AGBL4: variants seen among roughly 807,000 people sequenced by gnomAD.
AGBL4 encodes cytosolic carboxypeptidase 6.
A neutral mutation model predicts 66.4 loss-of-function variants in AGBL4; 58 were observed. The observed-to-expected ratio is 0.87, with a 90% confidence interval of 0.71 to 1.09. The LOEUF is 1.09. Ranked by LOEUF, AGBL4 falls within the 50% of genes least tolerant of loss-of-function variation. AGBL4 has a pLI of 0.00. For synonymous variants in AGBL4, 234 were observed against 222.9 expected (o/e 1.05, Z -0.44); for missense variants, 579 against 631.0 (o/e 0.92, Z 0.88).
At chr1:49,538,486 A>ATATACATAG (rs1367855329) in intron 3 of AGBL4, among the ~76,000 whole-genome samples, 7 of 152,232 alleles carry the variant, frequency 4.6e-5, no homozygotes, top group Non-Finnish European at 1.0e-4. Flanking sequence ...TCACTATGCA[A>ATATACATAG]TATATCCGTG....
chr1:48,761,603 C>T (rs1364205113), intron 6 of AGBL4: 2 of 923,456 alleles, frequency 2.2e-6, no homozygotes, highest in East Asian at 2.7e-5. Context: ...CAAACAGACT[C>T]AAGGCTGGTT....
At chr1:49,929,708 A>G (rs1653140769) in intron 1 of AGBL4, among the ~76,000 whole-genome samples, 1 of 152,228 alleles carries the variant, frequency 6.6e-6, no homozygotes, top group African/African-American at 2.4e-5. Context: ...ACCTAAAGGA[A>G]TTAAAGGCAG....
intron 6 of AGBL4, among the ~76,000 whole-genome samples, chr1:48,863,947 C>A (rs1647735821): frequency 6.6e-6 from 1 of 151,824 alleles, no homozygotes; most frequent in South Asian, 2.1e-4. Flanking sequence ...AATTCAACTA[C>A]ATAAAAAAAT....
intron 4 of AGBL4, among the ~76,000 whole-genome samples, chr1:49,107,966 T>C (rs2148014264): frequency 6.6e-6 from 1 of 152,294 alleles, no homozygotes; most frequent in South Asian, 2.1e-4. Context: ...CTAATTTTAC[T>C]TGAATCTTTG....
rs745772850 is a variant in AGBL4 at position 49,971,907 on chromosome 1, G to GTTTT, written c.34+51852_34+51855dup. On this transcript the variant is annotated intron_variant, in intron 1 of 13. Coordinates refer to ENST00000371839, the MANE Select transcript of AGBL4 (RefSeq NM_032785.4). The stretch of plus-strand genomic sequence containing the variant: ...AAGTACAAGTGCAGGGTTTTTTTGG[G>GTTTT]TTTTTTTTTTTTTTTTTTTTTTTTT... 1.9e-3 allele frequency among the ~76,000 whole-genome samples: 45 copies of GTTTT among 23,438 alleles called. 2 individuals are homozygous for GTTTT. Among genetic ancestry groups the GTTTT allele is most frequent in the African/African-American group, 5.6e-3 (42 of 7,438 alleles). 15.4% of individuals were successfully genotyped at this position (23,438 alleles called of 152,430 possible). A position where few individuals can be genotyped will look rare whatever the true frequency, so the allele number is the denominator to read the frequency against.
intron 6 of AGBL4, among the ~76,000 whole-genome samples, chr1:48,801,095 G>C (rs1360686977): frequency 1.3e-5 from 2 of 152,118 alleles, no homozygotes; most frequent in Admixed American, 1.3e-4. Flanking sequence ...CAGGGAAGTA[G>C]GGGGAAAGCT....
chr1:49,644,555 G>C lies in AGBL4; in HGVS notation c.282+52758C>G, dbSNP rs544415505. Among the ~76,000 whole-genome samples, 3 of 151,638 alleles carry C rather than the reference G, an allele frequency of 2.0e-5. No individual in the cohort carries two copies. In the East Asian group the frequency reaches 5.8e-4, roughly 29 times the overall value. ...AGGAAAGAATATCACAAGGTATAAA[G>C]ATAATCATTTCATAATGATTAAGAA... On this transcript the variant is annotated intron_variant, in intron 3 of 13. Coordinates refer to ENST00000371839, the MANE Select transcript of AGBL4 (RefSeq NM_032785.4).
chr1:48,612,562 C>G (rs1032961764), intron 9 of AGBL4, among the ~76,000 whole-genome samples: 1 of 152,146 alleles, frequency 6.6e-6, no homozygotes, highest in African/African-American at 2.4e-5. Flanking sequence ...GTACAAAGAT[C>G]AAAGTTAAAC....
intron 9 of AGBL4, among the ~76,000 whole-genome samples, chr1:48,624,585 C>T (rs565347149): frequency 1.2e-4 from 19 of 152,312 alleles, no homozygotes; most frequent in Admixed American, 7.8e-4. Flanking sequence ...TCTAGAGAGA[C>T]GGCATTTTGA....
At chr1:50,000,433 G>A (rs189920468) in intron 1 of AGBL4, among the ~76,000 whole-genome samples, 9 of 152,242 alleles carry the variant, frequency 5.9e-5, no homozygotes, top group African/African-American at 1.4e-4. Context: ...AGATGTTGGC[G>A]TGGATGTGGT....
intron 9 of AGBL4, among the ~76,000 whole-genome samples, chr1:48,605,325 C>G (rs539236781): frequency 1.3e-5 from 2 of 152,210 alleles, no homozygotes; most frequent in Admixed American, 6.5e-5. Flanking sequence ...ATTTCCTACT[C>G]TCTGCTGATA....
Position 49,502,402 on chromosome 1 carries a change from C to T in AGBL4, c.282+194911G>A, listed in dbSNP as rs181058748. ...CCCTTCTAGAGAACCCTCACAAATA[C>T]AGATTTTGCTACCAGAAGTGGGGTG... On this transcript the variant is annotated intron_variant, in intron 3 of 13. Transcript: ENST00000371839. Among the ~76,000 whole-genome samples the T allele has an allele frequency of 2.4e-4, 37 of 152,188 alleles. No individual in the cohort carries two copies. The East Asian group carries it at 5.2e-3, about 21-fold the overall frequency.
At chr1:49,918,710 G>C (rs1024677238) in intron 1 of AGBL4, among the ~76,000 whole-genome samples, 5 of 152,306 alleles carry the variant, frequency 3.3e-5, no homozygotes, top group African/African-American at 1.2e-4. Context: ...AATAGAAAAA[G>C]AGGGAATACT....
At chr1:49,740,932 C>G (rs1203802502) in intron 2 of AGBL4, among the ~76,000 whole-genome samples, 1 of 152,066 alleles carries the variant, frequency 6.6e-6, no homozygotes, top group East Asian at 1.9e-4. Context: ...GCACTAAATG[C>G]CCAGGAGAGA....
the AGBL4 span, among the ~76,000 whole-genome samples, chr1:48,527,730 G>A: frequency 3.3e-5 from 5 of 152,078 alleles, no homozygotes; most frequent in Admixed American, 6.6e-5. Context: ...CTTGAATGAT[G>A]AGAAGGATTT....
intron 3 of AGBL4, among the ~76,000 whole-genome samples, chr1:49,575,992 T>A (rs758894201): frequency 3.3e-5 from 5 of 152,190 alleles, no homozygotes; most frequent in Non-Finnish European, 7.3e-5. Flanking sequence ...GACTTATTGG[T>A]GAGACATTTG....
chr1:49,494,726 C>A (rs913341739), intron 3 of AGBL4, among the ~76,000 whole-genome samples: 2 of 151,912 alleles, frequency 1.3e-5, no homozygotes, highest in East Asian at 1.9e-4. Context: ...ATAATGCCGC[C>A]ATAAACATAC....
chr1:48,830,041 G>T (rs1018464554), intron 6 of AGBL4, among the ~76,000 whole-genome samples: 1 of 152,050 alleles, frequency 6.6e-6, no homozygotes, highest in Non-Finnish European at 1.5e-5. Context: ...TCTGGGAGAA[G>T]GTAGCAGCCA....
chr1:49,474,353 T>C (rs941072942), intron 3 of AGBL4, among the ~76,000 whole-genome samples: 1 of 152,014 alleles, frequency 6.6e-6, no homozygotes, highest in African/African-American at 2.4e-5. Context: ...CTTCCTTGGT[T>C]ATATGTATTA....
Sources: allele counts gnomAD v4.1 joint callset (sites outside exome capture counted in the v4.1 genomes callset), GRCh38; gene constraint gnomAD v4.1.1; transcripts MANE v1.5; gene names NCBI Gene and HGNC (gene_info 2026-07-23, HGNC 2026-07-21).